Variants in ZBTB20 observed in about 807,000 individuals in gnomAD.
ZBTB20 encodes zinc finger and BTB domain-containing protein 20.
A neutral mutation model predicts 56.9 loss-of-function variants in ZBTB20; 9 were observed. The observed-to-expected ratio is 0.16, with a 90% CI of 0.10 to 0.28. ZBTB20 has a LOEUF of 0.28. ZBTB20 is among the 10% of genes least tolerant of loss of function. The pLI is 1.00. For synonymous variants in ZBTB20, 417 were observed against 420.7 expected, an observed-to-expected ratio of 0.99 and a Z score of 0.11; for missense variants, 655 against 1,003.0, an observed-to-expected ratio of 0.65 and a Z score of 4.69.
intron 6 of ZBTB20, among the ~76,000 whole-genome samples, chr3:114,620,265 G>A (rs1010975243): frequency 2.0e-5 from 3 of 152,046 alleles, no homozygotes; most frequent in Non-Finnish European, 4.4e-5. Flanking sequence ...GCCAATTTGT[G>A]TTCTAGACAT....
intron 3 of ZBTB20, among the ~76,000 whole-genome samples, chr3:114,945,876 A>G (rs1301363138): frequency 6.9e-6 from 1 of 145,428 alleles, no homozygotes; most frequent in Non-Finnish European, 1.5e-5. Context: ...AAAGAAGGCT[A>G]ATATCACTAT....
intron 2 of ZBTB20, among the ~76,000 whole-genome samples, chr3:115,008,547 A>G (rs1279679598): frequency 2.0e-5 from 3 of 151,992 alleles, no homozygotes; most frequent in Non-Finnish European, 1.5e-5. Context: ...TAGAAGGATC[A>G]TTCAATAATC....
chr3:114,576,501 C>CAAAAAAAAAAA (rs61714991), intron 6 of ZBTB20, among the ~76,000 whole-genome samples: 8 of 24,112 alleles, frequency 3.3e-4, no homozygotes, highest in South Asian at 1.6e-3. Context: ...GACTCCGTCT[C>CAAAAAAAAAAA]AAAAAAAAAA....
At chr3:114,417,453 CCA>C in intron 7 of ZBTB20, among the ~76,000 whole-genome samples, 1 of 152,044 alleles carries the variant, frequency 6.6e-6, no homozygotes, top group Non-Finnish European at 1.5e-5. Flanking sequence ...GAAAATGAAA[CCA>C]CAGTCTATGA....
chr3:115,114,571 G>C (rs560238741), intron 1 of ZBTB20, among the ~76,000 whole-genome samples: 1 of 152,172 alleles, frequency 6.6e-6, no homozygotes, highest in African/African-American at 2.4e-5. Flanking sequence ...ACATTTGAAA[G>C]ATCTTAAAGT....
intron 7 of ZBTB20, among the ~76,000 whole-genome samples, chr3:114,495,209 T>G (rs2043149139): frequency 6.6e-6 from 1 of 152,240 alleles, no homozygotes; most frequent in South Asian, 2.1e-4. Context: ...TATGGTATAT[T>G]TATGCTTTAA....
chr3:114,350,972 T>C lies in ZBTB20; in HGVS notation c.1106A>G (p.Glu369Gly). The C allele has an allele frequency of 6.2e-7, 1 of 1,607,854 alleles. No individual in the cohort carries two copies. The highest frequency in any genetic ancestry group is 8.5e-7 in the Non-Finnish European group (1 of 1,179,836). The change falls in exon 11 of 12, where the codon GAG (glutamate) becomes GGG (glycine). Residue 369 changes from glutamate (E) to glycine (G), a missense_variant. By Grantham distance (98) the Glu-to-Gly change is moderately conservative. Around this residue, in one of 10 missense-constraint regions of ZBTB20, gnomAD observed 156 missense variants for 181.0 expected, o/e 0.86. Coordinates refer to ENST00000675478, the MANE Select transcript of ZBTB20 (RefSeq NM_001348800.3). Reference protein sequence around the residue: ...DTDQAEGTESEPKGESFDSGV... With the variant: ...DTDQAEGTESGPKGESFDSGV... ...CGAGTCGAAGCTTTCACCTTTGGGC[T>C]CACTCTCGGTGCCCTCGGCCTGGTC...
At chr3:114,429,731 T>C (rs971903065) in intron 7 of ZBTB20, among the ~76,000 whole-genome samples, 2 of 152,140 alleles carry the variant, frequency 1.3e-5, no homozygotes, top group African/African-American at 4.8e-5. Flanking sequence ...AAAATAATGA[T>C]ACCACAATGA....
At chr3:114,641,643 A>G (rs1466686806) in intron 6 of ZBTB20, among the ~76,000 whole-genome samples, 4 of 151,744 alleles carry the variant, frequency 2.6e-5, no homozygotes, top group African/African-American at 9.7e-5. Context: ...TACTAGCTAA[A>G]TTTTAAAAAA....
chr3:114,484,557 T>G (rs1559853969), intron 7 of ZBTB20, among the ~76,000 whole-genome samples: 1 of 152,178 alleles, frequency 6.6e-6, no homozygotes, highest in Non-Finnish European at 1.5e-5. Context: ...TAATTAAGAT[T>G]TTCATTACTG....
intron 3 of ZBTB20, among the ~76,000 whole-genome samples, chr3:114,911,845 C>T (rs1259808235): frequency 6.6e-6 from 1 of 151,758 alleles, no homozygotes; most frequent in Non-Finnish European, 1.5e-5. Flanking sequence ...AGGACAAAAA[C>T]TAATATAAAG....
intron 6 of ZBTB20, among the ~76,000 whole-genome samples, chr3:114,690,670 ATGT>A (rs1560131884): frequency 6.6e-6 from 1 of 152,094 alleles, no homozygotes; most frequent in African/African-American, 2.4e-5. Context: ...CCCCCCAAAC[ATGT>A]TGTTTAAAAA....
In ZBTB20 at chr3:114,332,083, T is replaced by A. The variant is rs945606776; in HGVS notation, c.*6922A>T. ...GTTTTTTTTTTTTTTTTTTTTTTTTTCTCTCTTGGATGTATCAAAATCTCA... is the reference window on the plus strand; with the variant it reads ...GTTTTTTTTTTTTTTTTTTTTTTTTACTCTCTTGGATGTATCAAAATCTCA... On this transcript the variant is annotated 3_prime_UTR_variant, in exon 12 of 12. Coordinates refer to ENST00000675478, the MANE Select transcript of ZBTB20 (RefSeq NM_001348800.3). The A allele has an allele frequency of 6.0e-5, 7 of 117,470 alleles. No individual in the cohort carries two copies. The highest frequency in any genetic ancestry group is 2.8e-4 in the Admixed American group (3 of 10,886). The allele number at this position is 117,470 out of a possible 1,614,324, so 7.3% of individuals were successfully genotyped here.
chr3:114,484,998 G>C (rs2041964152), intron 7 of ZBTB20, among the ~76,000 whole-genome samples: 1 of 152,196 alleles, frequency 6.6e-6, no homozygotes, highest in Admixed American at 6.5e-5. Flanking sequence ...GCCGATTGTT[G>C]AGACAGGAAA....
intron 6 of ZBTB20, among the ~76,000 whole-genome samples, chr3:114,604,647 C>A (rs1048571047): frequency 6.6e-6 from 1 of 151,906 alleles, no homozygotes; most frequent in Non-Finnish European, 1.5e-5. Context: ...TTTTAGCTAC[C>A]GGTGCAGCCA....
intron 5 of ZBTB20, among the ~76,000 whole-genome samples, chr3:114,797,110 T>C (rs2071386706): frequency 6.6e-6 from 1 of 151,870 alleles, no homozygotes; most frequent in African/African-American, 2.4e-5. Flanking sequence ...ATGAGTTAAA[T>C]ATTTAAAAGC....
intron 5 of ZBTB20, among the ~76,000 whole-genome samples, chr3:114,724,061 G>C (rs896674390): frequency 6.6e-6 from 1 of 151,534 alleles, no homozygotes; most frequent in Admixed American, 6.6e-5. Context: ...TTTTAGTAGA[G>C]ACGGGGTTTC....
chr3:114,609,866 C>A (rs1286144743), intron 6 of ZBTB20, among the ~76,000 whole-genome samples: 2 of 152,178 alleles, frequency 1.3e-5, no homozygotes, highest in East Asian at 1.9e-4. Flanking sequence ...TGAAAGATTA[C>A]AGATTGTAGG....
Position 114,758,950 on chromosome 3 carries a change from C to T in ZBTB20, c.-343+42151G>A, listed in dbSNP as rs1299286699. On this transcript the variant is annotated intron_variant, in intron 5 of 11. Coordinates refer to ENST00000675478, the MANE Select transcript of ZBTB20 (RefSeq NM_001348800.3). ...ATTTTTTTTGAAATGTACTCTGTACCGATGCATTTTTCTGTGTTTCTTTCT... is the reference window on the plus strand; with the variant it reads ...ATTTTTTTTGAAATGTACTCTGTACTGATGCATTTTTCTGTGTTTCTTTCT... 2.0e-5 allele frequency: 3 copies of T among 151,916 alleles called. No homozygotes were observed. The South Asian group carries it at 6.2e-4, about 32-fold the overall frequency. The allele number at this position is 151,916 out of a possible 1,614,324, so 9.4% of individuals were successfully genotyped here. A position where few individuals can be genotyped will look rare whatever the true frequency, so the allele number is the denominator to read the frequency against.
Sources: allele counts gnomAD v4.1 joint callset (sites outside exome capture counted in the v4.1 genomes callset), GRCh38; gene constraint gnomAD v4.1.1; regional missense constraint gnomAD v4.1.1; transcripts MANE v1.5; gene names NCBI Gene and HGNC (gene_info 2026-07-23, HGNC 2026-07-21).